The following COL9A1 variants were observed in gnomAD, a reference collection of about 807,000 sequenced individuals.
COL9A1 encodes collagen type IX alpha 1 chain.
A neutral mutation model predicts 142.6 loss-of-function variants in COL9A1; 104 were observed. The ratio of observed to expected loss-of-function variants is 0.73; its 90% confidence interval spans 0.62 to 0.86. The LOEUF is 0.86. Among genes scored for constraint, COL9A1 ranks in the 40% least tolerant of loss-of-function variants. COL9A1 has a pLI of 0.00. For synonymous variants in COL9A1, 466 were observed against 396.0 expected (o/e 1.18, Z -2.10); for missense variants, 1,210 against 1,176.6 (o/e 1.03, Z -0.42).
downstream of COL9A1, chr6:70,216,090 T>C (rs1768485706): frequency 6.6e-6 from 1 of 152,624 alleles, no homozygotes; most frequent in Non-Finnish European, 1.5e-5. Context: ...CTTCTTTTCA[T>C]TGAACATGAT....
intron 16 of COL9A1, 61 bp downstream of exon 16, chr6:70,269,572 A>T: frequency 1.8e-6 from 2 of 1,125,430 alleles, no homozygotes; most frequent in Non-Finnish European, 2.7e-6. Flanking sequence ...AAGAAAACTC[A>T]TCTGCAGGCT....
chr6:70,293,022 A>C (rs1276324249), intron 5 of COL9A1, among the ~76,000 whole-genome samples: 1 of 152,168 alleles, frequency 6.6e-6, no homozygotes, highest in Non-Finnish European at 1.5e-5. Context: ...ACTAATCACA[A>C]TTCTTCCCTT....
chr6:70,246,012 C>T (rs1445713487), intron 28 of COL9A1: 1 of 152,270 alleles, frequency 6.6e-6, no homozygotes, highest in African/African-American at 2.4e-5. Context: ...CTTGGATGCT[C>T]TGTGCTGCCA....
intron 10 of COL9A1, among the ~76,000 whole-genome samples, chr6:70,276,210 C>T (rs967785636): frequency 1.3e-5 from 2 of 152,116 alleles, no homozygotes; most frequent in African/African-American, 4.8e-5. Context: ...TTGCTAAGCA[C>T]CTATGGTAAT....
rs1336533472 is a variant in COL9A1, at chr6:70,302,999, C to T, written c.-75G>A. 1.8e-5 allele frequency: 27 copies of T among 1,468,656 alleles called. No individual in the cohort carries two copies. Among genetic ancestry groups the T allele is most frequent in the Middle Eastern group, 1.7e-4 (1 of 5,716 alleles). The allele number at this position is 1,468,656 out of a possible 1,614,324, so 91.0% of individuals were successfully genotyped here. A position where few individuals can be genotyped will look rare whatever the true frequency, so the allele number is the denominator to read the frequency against. On this transcript the variant is annotated 5_prime_UTR_variant, in exon 1 of 38. The change creates a new upstream start codon in the 5' untranslated region. Coordinates refer to ENST00000357250, the MANE Select transcript of COL9A1 (RefSeq NM_001851.6). ...TTGGAAGGGAGTCACTGTCCCCTCA[C>T]GACCCCTTCACTGTTACCCTAGGAC...
chr6:70,215,683 G>A (rs1768457133), downstream of COL9A1: 1 of 152,134 alleles, frequency 6.6e-6, no homozygotes, highest in African/African-American at 2.4e-5. Context: ...TACAAGAAAT[G>A]GTGAAACATA....
chr6:70,234,707 C>T, intron 34 of COL9A1, 87 bp downstream of exon 34: 3 of 1,606,806 alleles, frequency 1.9e-6, no homozygotes, highest in East Asian at 4.5e-5. Flanking sequence ...TACAAGAGAA[C>T]TTGTTGAGAA....
At position 70,270,356 on chromosome 6, in the gene COL9A1, C is replaced by T. The variant is rs1772317579; in HGVS notation, c.1155G>A (p.Gly385=). The stretch of plus-strand genomic sequence containing the variant: ...CAGGGGGGCCAGGTGGTCCTCTTCT[C>T]CCAGGGTCACCCTAAGTTATTTGAA... ...LGRVGPVGDP[G]RRGPPGPPGP... is the part of the protein sequence containing the mutation. Residue 385 remains glycine (G), a synonymous_variant, in exon 15 of 38, where the codon GGG becomes GGA. Transcript: ENST00000357250. 3 of 1,613,444 alleles carry T rather than the reference C, an allele frequency of 1.9e-6. No individual in the cohort carries two copies. In the African/African-American group the frequency reaches 4.0e-5, roughly 22 times the overall value.
intron 5 of COL9A1, among the ~76,000 whole-genome samples, chr6:70,293,764 C>T (rs1172205896): frequency 6.6e-6 from 1 of 151,510 alleles, no homozygotes; most frequent in Non-Finnish European, 1.5e-5. Context: ...ATGGTGTTTC[C>T]CTCAGCTATA....
chr6:70,274,914 C>G, intron 10 of COL9A1, 142 bp from the exon 11 acceptor site: 1 of 666,806 alleles, frequency 1.5e-6, no homozygotes, highest in Admixed American at 2.5e-5. Flanking sequence ...AAATACCTTA[C>G]TATAGTCTTA....
intron 31 of COL9A1, among the ~76,000 whole-genome samples, chr6:70,240,954 GAATGAAGGATA>G (rs1308799054): frequency 1.3e-5 from 2 of 152,116 alleles, no homozygotes; most frequent in Non-Finnish European, 2.9e-5. Flanking sequence ...GTTTCAGCTA[GAATGAAGGATA>G]AATGACCATA....
At chr6:70,287,038 T>C (rs550920077) in intron 5 of COL9A1, among the ~76,000 whole-genome samples, 1 of 152,310 alleles carries the variant, frequency 6.6e-6, no homozygotes, top group African/African-American at 2.4e-5. Flanking sequence ...GCAGTGGAGA[T>C]GACAGAAATA....
At chr6:70,238,615 A>G (rs777649693) in intron 33 of COL9A1, among the ~76,000 whole-genome samples, 34 of 152,354 alleles carry the variant, frequency 2.2e-4, no homozygotes, top group Non-Finnish European at 4.0e-4. Context: ...TGACAACAAA[A>G]AACACAAGTC....
chr6:70,246,350 A>T (rs1770609376), intron 28 of COL9A1: 1 of 152,120 alleles, frequency 6.6e-6, no homozygotes, highest in South Asian at 2.1e-4. Flanking sequence ...ACAGAGTGTG[A>T]CTTCATCTCA....
chr6:70,283,164 C>T (rs1275133003), intron 6 of COL9A1: 1 of 1,509,156 alleles, frequency 6.6e-7, no homozygotes, highest in Non-Finnish European at 8.8e-7. Context: ...AAAAAGCACC[C>T]CCGGGAGTAG....
chr6:70,283,141 T>C, intron 6 of COL9A1: 1 of 1,527,438 alleles, frequency 6.5e-7, no homozygotes, highest in Non-Finnish European at 8.8e-7. Context: ...TAGGTGGCAC[T>C]TCGTCCCTGC....
At position 70,294,582 on chromosome 6, in the gene COL9A1, TAGTAAACATGCATC is replaced by T. The variant is rs1442520077; in HGVS notation, c.300-33_300-20del. On this transcript the variant is annotated intron_variant, in intron 4 of 37. Transcript: ENST00000357250. ...TAAATTCCTGAGTAAAATTTTTAAATAGTAAACATGCATCTTGTTTCCTGTACCCATATGTATTT... is the reference window on the plus strand; with the variant it reads ...TAAATTCCTGAGTAAAATTTTTAAATTTGTTTCCTGTACCCATATGTATTT... 6.2e-7 allele frequency: 1 copy of T among 1,612,238 alleles called. No individual in the cohort carries two copies. The highest frequency in any genetic ancestry group is 2.2e-5 in the East Asian group (1 of 44,870).
chr6:70,241,864 C>G (rs1770280882), intron 30 of COL9A1, 100 bp downstream of exon 30: 1 of 1,042,240 alleles, frequency 9.6e-7, no homozygotes, highest in Non-Finnish European at 1.5e-6. Context: ...ATGATAAATT[C>G]TAGAAAATTC....
Position 70,240,893 on chromosome 6 carries a change from GT to G in COL9A1, c.2035-161del, listed in dbSNP as rs11286026. On this transcript the variant is annotated intron_variant, in intron 31 of 37. Coordinates refer to ENST00000357250, the MANE Select transcript of COL9A1 (RefSeq NM_001851.6). ...CGGCTTTCCAATCTAGCTGTCAGTG[GT>G]TAGTCCCAATCAGAAAATAGCGGAG... Among the ~76,000 whole-genome samples, 11,591 of 152,090 alleles carry G rather than the reference GT, an allele frequency of 0.076. 484 individuals carry two copies. The highest frequency in any genetic ancestry group is 0.11 in the African/African-American group (4,517 of 41,468).
Sources: allele counts gnomAD v4.1 joint callset (sites outside exome capture counted in the v4.1 genomes callset), GRCh38; gene constraint gnomAD v4.1.1; transcripts MANE v1.5; gene names NCBI Gene and HGNC (gene_info 2026-07-23, HGNC 2026-07-21).